The following SERGEF variants were observed in gnomAD, a reference collection of about 807,000 sequenced individuals.
SERGEF encodes the protein secretion-regulating guanine nucleotide exchange factor.
A neutral mutation model predicts 50.0 loss-of-function variants in SERGEF; 51 were observed. The observed-to-expected ratio is 1.02, with a 90% confidence interval of 0.81 to 1.29. The LOEUF (loss-of-function observed/expected upper bound fraction) is 1.29, where lower values mean the gene tolerates loss of function less well. Among genes scored for constraint, SERGEF ranks in the 50% most tolerant of loss-of-function variants. SERGEF has a pLI of 0.00. For synonymous variants in SERGEF, 205 were observed against 212.4 expected (o/e 0.97, Z 0.30); for missense variants, 521 against 557.0 (o/e 0.94, Z 0.65).
At chr11:17,874,533 A>C (rs1260813148) in intron 10 of SERGEF, among the ~76,000 whole-genome samples, 1 of 152,238 alleles carries the variant, frequency 6.6e-6, no homozygotes, top group Non-Finnish European at 1.5e-5. Flanking sequence ...CTAAGGAAGT[A>C]ACTAAACCAA....
intron 2 of SERGEF, 140 bp downstream of exon 2, chr11:18,007,801 G>T: frequency 1.2e-6 from 1 of 807,266 alleles, no homozygotes; most frequent in Non-Finnish European, 1.9e-6. Context: ...ATGGTAATTT[G>T]GCTCTTTCAC....
chr11:17,807,930 C>G (rs748727543), intron 10 of SERGEF, among the ~76,000 whole-genome samples: 3 of 152,230 alleles, frequency 2.0e-5, no homozygotes, highest in Non-Finnish European at 4.4e-5. Flanking sequence ...AAATTGAGAA[C>G]ATGCCAATTT....
intron 10 of SERGEF, among the ~76,000 whole-genome samples, chr11:17,854,338 G>A (rs548975273): frequency 6.6e-6 from 1 of 152,238 alleles, no homozygotes; most frequent in East Asian, 1.9e-4. Flanking sequence ...GTGTTCCACA[G>A]GCATCTTACA....
chr11:17,823,062 C>T (rs562198565), intron 10 of SERGEF, among the ~76,000 whole-genome samples: 7 of 152,110 alleles, frequency 4.6e-5, no homozygotes, highest in East Asian at 3.9e-4. Flanking sequence ...TCCAGGATAC[C>T]GTATTACATT....
chr11:17,969,254 C>T (rs1234773474), intron 8 of SERGEF, among the ~76,000 whole-genome samples: 1 of 152,144 alleles, frequency 6.6e-6, no homozygotes, highest in Non-Finnish European at 1.5e-5. Flanking sequence ...AGCTGCTTGG[C>T]AACCTGAGAA....
intron 9 of SERGEF, among the ~76,000 whole-genome samples, chr11:17,927,885 T>C (rs1454665524): frequency 6.6e-6 from 1 of 152,246 alleles, no homozygotes; most frequent in Non-Finnish European, 1.5e-5. Context: ...TGACATCTTC[T>C]GCAAGAAGCT....
At chr11:17,995,168 A>G (rs1458768460) in intron 6 of SERGEF, among the ~76,000 whole-genome samples, 3 of 152,164 alleles carry the variant, frequency 2.0e-5, no homozygotes, top group Non-Finnish European at 4.4e-5. Context: ...TACAGACCAA[A>G]TGACCAACAG....
intron 9 of SERGEF, among the ~76,000 whole-genome samples, chr11:17,882,654 T>C (rs1207727508): frequency 6.6e-6 from 1 of 151,948 alleles, no homozygotes; most frequent in African/African-American, 2.4e-5. Flanking sequence ...ACAATCTAAG[T>C]ACAGGGCATG....
At chr11:17,876,130 A>G (rs1851232574) in intron 10 of SERGEF, among the ~76,000 whole-genome samples, 1 of 152,208 alleles carries the variant, frequency 6.6e-6, no homozygotes, top group Non-Finnish European at 1.5e-5. Flanking sequence ...TCATTCCTCC[A>G]GTGATGGAGA....
At chr11:17,820,583 A>C (rs895180904) in intron 10 of SERGEF, among the ~76,000 whole-genome samples, 2 of 152,096 alleles carry the variant, frequency 1.3e-5, no homozygotes, top group Admixed American at 1.3e-4. Context: ...GGATGATAAA[A>C]CCTACCTCAT....
intron 1 of SERGEF, 156 bp downstream of exon 1, chr11:18,012,794 CT>C: frequency 1.4e-6 from 2 of 1,479,620 alleles, no homozygotes; most frequent in Non-Finnish European, 1.8e-6. Flanking sequence ...CCCGCTCCTC[CT>C]CCGCTCCCCC....
At position 17,797,822 on chromosome 11, in the gene SERGEF, T is replaced by C. The variant is rs115383829; in HGVS notation, c.1049-9409A>G. 6.2e-3 allele frequency among the ~76,000 whole-genome samples: 947 copies of C among 152,282 alleles called. 13 individuals are homozygous for C. Among genetic ancestry groups the C allele is most frequent in the African/African-American group, 0.022 (917 of 41,550 alleles). On this transcript the variant is annotated intron_variant, in intron 10 of 10. Coordinates refer to ENST00000265965, the MANE Select transcript of SERGEF (RefSeq NM_012139.4). ...CCATGGATGTGGAAAGCAGCAGCCA[T>C]GGGCACGGCAATTGTAGCTCGCTAT... is the stretch of plus-strand genomic sequence containing the variant.
chr11:17,826,941 A>AAGGATCAGGTGACCAGCCC (rs11267356), intron 10 of SERGEF, among the ~76,000 whole-genome samples: 152,247 of 152,252 alleles, frequency 1, 76,121 homozygotes, highest in Middle Eastern at 1. Flanking sequence ...CCTTGCTTAT[A>AAGGATCAGGTGACCAGCCC]AGGATCACAC....
At chr11:17,861,717 C>A (rs1850930067) in intron 10 of SERGEF, among the ~76,000 whole-genome samples, 1 of 152,266 alleles carries the variant, frequency 6.6e-6, no homozygotes, top group African/African-American at 2.4e-5. Context: ...GAGAAAAGGG[C>A]TGGCTTTGGC....
At chr11:17,792,586 G>A (rs1001595572) in intron 10 of SERGEF, among the ~76,000 whole-genome samples, 2 of 152,348 alleles carry the variant, frequency 1.3e-5, no homozygotes, top group African/African-American at 2.4e-5. Flanking sequence ...CCACTGGGTC[G>A]AGAAGCCTGG....
chr11:17,886,954 C>T (rs1174507547), intron 9 of SERGEF, among the ~76,000 whole-genome samples: 30 of 152,112 alleles, frequency 2.0e-4, no homozygotes, highest in Admixed American at 1.8e-3. Flanking sequence ...GCCTGTGAAA[C>T]GGCTTAGTGA....
chr11:17,959,499 A>T lies in SERGEF; in HGVS notation c.982T>A (p.Ser328Thr), dbSNP rs1290155914. The T allele has an allele frequency of 6.2e-7, 1 of 1,614,080 alleles. No individual in the cohort carries two copies. The highest frequency in any genetic ancestry group is 8.5e-7 in the Non-Finnish European group (1 of 1,179,970). Residue 328 changes from serine (S) to threonine (T), a missense_variant, in exon 9 of 11, where the codon TCT (serine) becomes ACT (threonine). Ser to Thr is a moderately conservative substitution (Grantham distance 58). Coordinates refer to ENST00000265965, the MANE Select transcript of SERGEF (RefSeq NM_012139.4). ...GTTGCTCCAGTTAAGCAATGCGGAG[A>T]CGAAGGCATGCTGTTCGGTGGTCTT... ...CSRPPNSMPS[S>T]PHCLTGATEV...
At chr11:17,917,625 A>G (rs1433309527) in intron 9 of SERGEF, among the ~76,000 whole-genome samples, 1 of 152,252 alleles carries the variant, frequency 6.6e-6, no homozygotes, top group East Asian at 1.9e-4. Flanking sequence ...CTCCAGACTT[A>G]CTGCATGAGT....
chr11:17,968,396 C>T (rs1376172218), intron 8 of SERGEF, among the ~76,000 whole-genome samples: 1 of 152,188 alleles, frequency 6.6e-6, no homozygotes, highest in African/African-American at 2.4e-5. Context: ...GTCCTAGGTG[C>T]TAGGGGCTAC....
Sources: allele counts gnomAD v4.1 joint callset (sites outside exome capture counted in the v4.1 genomes callset), GRCh38; gene constraint gnomAD v4.1.1; transcripts MANE v1.5; gene names NCBI Gene and HGNC (gene_info 2026-07-23, HGNC 2026-07-21).